Variants in CDH1 observed in about 807,000 individuals in gnomAD.
CDH1 encodes cadherin 1.
Under a neutral mutation model 84.5 loss-of-function variants are expected in CDH1, and 35 were observed. That is an observed-to-expected ratio of 0.41 (90% CI 0.32 to 0.55). The LOEUF is 0.55. Ranked by LOEUF, CDH1 falls within the 20% of genes least tolerant of loss-of-function variation. The probability of loss-of-function intolerance (pLI) is 0.19; values close to 1 mark genes in which losing one functional copy is unlikely to be tolerated. For synonymous variants in CDH1, 417 were observed against 439.0 expected (o/e 0.95, Z 0.63); for missense variants, 994 against 1,126.6 (o/e 0.88, Z 1.68).
intron 2 of CDH1, among the ~76,000 whole-genome samples, chr16:68,764,292 G>A (rs1405180786): frequency 6.6e-6 from 1 of 152,092 alleles, no homozygotes; most frequent in Non-Finnish European, 1.5e-5. Context: ...TAAAATGGGA[G>A]CTGGCCAGGC....
At chr16:68,807,696 AAAAAG>A (rs1308039941) in intron 3 of CDH1, among the ~76,000 whole-genome samples, 4 of 152,050 alleles carry the variant, frequency 2.6e-5, no homozygotes, top group Admixed American at 1.3e-4. Flanking sequence ...CTCTATTTAA[AAAAAG>A]AAAAGAAAAG....
intron 2 of CDH1, among the ~76,000 whole-genome samples, chr16:68,738,780 G>GA (rs1962474941): frequency 6.6e-6 from 1 of 151,924 alleles, no homozygotes; most frequent in African/African-American, 2.4e-5. Context: ...AGCAAACCGA[G>GA]GCTAAGAGAG....
rs1005566861 is a variant in CDH1, at chr16:68,812,005, C to T, written c.1009-130C>T. The T allele has an allele frequency of 5.5e-5, 82 of 1,493,058 alleles. 1 individual carries two copies. The highest frequency in any genetic ancestry group is 5.4e-4 in the African/African-American group (39 of 72,328). The allele number at this position is 1,493,058 out of a possible 1,614,324, so 92.5% of individuals were successfully genotyped here. On this transcript the variant is annotated intron_variant, in intron 7 of 15. Coordinates refer to ENST00000261769, the MANE Select transcript of CDH1 (RefSeq NM_004360.5). Reference sequence around the variant, plus strand: ...CATCTAAGCTTGTGCCCAGAGGTTCCGTGCCTAGAAGACAGGCAGGCTGGC... The same window carrying T: ...CATCTAAGCTTGTGCCCAGAGGTTCTGTGCCTAGAAGACAGGCAGGCTGGC...
intron 2 of CDH1, among the ~76,000 whole-genome samples, chr16:68,776,516 C>G (rs1252833921): frequency 6.6e-6 from 1 of 152,044 alleles, no homozygotes; most frequent in Non-Finnish European, 1.5e-5. Flanking sequence ...TTAGTAAAAT[C>G]TCATTAAAAA....
In CDH1 at chr16:68,834,575, T is replaced by C. The variant is rs541517386; in HGVS notation, c.*1076T>C. The C allele has an allele frequency of 7.0e-5, 17 of 243,018 alleles. No individual in the cohort carries two copies. Among genetic ancestry groups the C allele is most frequent in the Non-Finnish European group, 1.4e-4 (17 of 124,306 alleles). The allele number at this position is 243,018 out of a possible 1,614,324, so 15.1% of individuals were successfully genotyped here. On this transcript the variant is annotated 3_prime_UTR_variant, in exon 16 of 16. Coordinates refer to ENST00000261769, the MANE Select transcript of CDH1 (RefSeq NM_004360.5). Reference sequence around the variant, plus strand: ...TCAGTTGCTTTGCCCAAGATAGGAGTTCTCTGATGCAGAAATTATTGGGCT... The same window carrying C: ...TCAGTTGCTTTGCCCAAGATAGGAGCTCTCTGATGCAGAAATTATTGGGCT...
intron 15 of CDH1, 89 bp from the exon 16 acceptor site, chr16:68,833,201 C>T: frequency 4.4e-6 from 5 of 1,135,890 alleles, no homozygotes; most frequent in South Asian, 1.2e-5. Flanking sequence ...GGTGCATTGT[C>T]GTACCTTACA....
intron 2 of CDH1, among the ~76,000 whole-genome samples, chr16:68,758,207 C>CTTTTTTTTT (rs57413297): frequency 3.2e-4 from 13 of 40,048 alleles, no homozygotes; most frequent in East Asian, 7.7e-4. Context: ...CTTTTTATTT[C>CTTTTTTTTT]TTTTTTTTTT....
chr16:68,757,250 G>T (rs572833186), intron 2 of CDH1, among the ~76,000 whole-genome samples: 5 of 151,942 alleles, frequency 3.3e-5, no homozygotes, highest in Non-Finnish European at 7.4e-5. Flanking sequence ...CACCATGCCC[G>T]GCTAATTTTT....
intron 2 of CDH1, among the ~76,000 whole-genome samples, chr16:68,785,127 A>G (rs1960009097): frequency 6.6e-6 from 1 of 152,180 alleles, no homozygotes; most frequent in Non-Finnish European, 1.5e-5. Context: ...CTCACTTGTT[A>G]GTGTCTTTTA....
Position 68,829,945 on chromosome 16 carries a change from TTTTTTTTCTTTTTC to T in CDH1, c.2439+156_2439+169del, listed in dbSNP as rs1406727106. 674 of 716,038 alleles carry T rather than the reference TTTTTTTTCTTTTTC, an allele frequency of 9.4e-4. 1 individual carries two copies. Among genetic ancestry groups the T allele is most frequent in the African/African-American group, 8.0e-3 (243 of 30,338 alleles). 44.4% of individuals were successfully genotyped at this position (716,038 alleles called of 1,614,324 possible). ...CCTGGAGCCCTGTTTTCCTTTTTCT[TTTTTTTTCTTTTTC>T]TTTTTTTTTTTTTTTGAGACGAAGT... On this transcript the variant is annotated intron_variant, in intron 15 of 15. Transcript: ENST00000261769.
chr16:68,792,381 C>T (rs1333730728), intron 2 of CDH1, among the ~76,000 whole-genome samples: 2 of 152,150 alleles, frequency 1.3e-5, no homozygotes, highest in Admixed American at 1.3e-4. Flanking sequence ...AGGCATGCGC[C>T]ACCACGCCTG....
intron 2 of CDH1, among the ~76,000 whole-genome samples, chr16:68,781,493 A>G (rs960256379): frequency 6.6e-6 from 1 of 151,824 alleles, no homozygotes; most frequent in African/African-American, 2.4e-5. Context: ...GGAGCATGCC[A>G]CTACACCTGG....
chr16:68,785,130 G>A (rs1449426589), intron 2 of CDH1, among the ~76,000 whole-genome samples: 1 of 152,150 alleles, frequency 6.6e-6, no homozygotes, highest in Non-Finnish European at 1.5e-5. Context: ...ACTTGTTAGT[G>A]TCTTTTAAAG....
Position 68,738,964 on chromosome 16 carries a change from T to TTTTTTTTTTTTTTTA in CDH1, c.163+553_163+554insTTTTTTTTTTTTTTA, listed in dbSNP as rs555202424. Among the ~76,000 whole-genome samples the TTTTTTTTTTTTTTTA allele has an allele frequency of 8.3e-3, 541 of 65,400 alleles. 205 individuals carry two copies. The highest frequency in any genetic ancestry group is 0.038 in the Middle Eastern group (2 of 52). 42.9% of individuals were successfully genotyped at this position (65,400 alleles called of 152,430 possible). ...TTTTTTTTTTTTTTTTTTTTTTTTT[T>TTTTTTTTTTTTTTTA]AAAGACAGGGTCTTGCTCTGTTGCC... On this transcript the variant is annotated intron_variant, in intron 2 of 15. Transcript: ENST00000261769.
intron 2 of CDH1, among the ~76,000 whole-genome samples, chr16:68,777,787 A>G (rs576556377): frequency 6.6e-6 from 1 of 152,158 alleles, no homozygotes; most frequent in East Asian, 1.9e-4. Context: ...GCTGGAGTGC[A>G]GTGGCACAAT....
At chr16:68,810,115 G>A (rs1960776167) in intron 5 of CDH1, 82 bp from the exon 6 acceptor site, 5 of 1,480,196 alleles carry the variant, frequency 3.4e-6, no homozygotes, top group East Asian at 4.5e-5. Flanking sequence ...AGCCAGGGGG[G>A]CGCACTCTGC....
In CDH1 at chr16:68,793,041, CCA is replaced by C. The variant is rs34365770; in HGVS notation, c.164-8628_164-8627del. Among the ~76,000 whole-genome samples the C allele has an allele frequency of 4.8e-3, 731 of 152,266 alleles. 8 individuals carry two copies. Among genetic ancestry groups the C allele is most frequent in the African/African-American group, 0.016 (669 of 41,556 alleles). The stretch of plus-strand genomic sequence containing the variant: ...AAATAAACTTCCAGTCCCTGGGAAC[CCA>C]TGGGGGTCGCCTGTCAACAGGGGTG... On this transcript the variant is annotated intron_variant, in intron 2 of 15. Coordinates refer to ENST00000261769, the MANE Select transcript of CDH1 (RefSeq NM_004360.5).
At chr16:68,808,008 G>A (rs1290788286) in intron 3 of CDH1, among the ~76,000 whole-genome samples, 3 of 152,200 alleles carry the variant, frequency 2.0e-5, no homozygotes, top group African/African-American at 7.2e-5. Flanking sequence ...GGGAGGCAGA[G>A]GTTCCAGTGA....
intron 11 of CDH1, 99 bp from the exon 12 acceptor site, chr16:68,821,902 C>T: frequency 1.0e-6 from 1 of 960,828 alleles, no homozygotes; most frequent in South Asian, 1.3e-5. Flanking sequence ...TGAGGGACCA[C>T]TGAAGAGCCA....
Sources: allele counts gnomAD v4.1 joint callset (sites outside exome capture counted in the v4.1 genomes callset), GRCh38; gene constraint gnomAD v4.1.1; transcripts MANE v1.5; gene names NCBI Gene and HGNC (gene_info 2026-07-23, HGNC 2026-07-21).